LPIN2: variants seen among roughly 807,000 people sequenced by gnomAD.
The protein encoded by LPIN2 is phosphatidate phosphatase LPIN2.
LPIN2 carries 55 observed loss-of-function variants against 111.4 expected under a neutral mutation model. That is an observed-to-expected ratio of 0.49 (90% CI 0.40 to 0.62). The LOEUF (loss-of-function observed/expected upper bound fraction) is 0.62, where lower values mean the gene tolerates loss of function less well. Ranked by LOEUF, LPIN2 falls within the 20% of genes least tolerant of loss-of-function variation. The pLI is 0.00. For missense variants in LPIN2, 992 were observed against 1,112.1 expected (o/e 0.89, Z 1.54); for synonymous variants, 425 against 414.0 (o/e 1.03, Z -0.32).
At position 2,925,210 on chromosome 18, in the gene LPIN2, C is replaced by A; in HGVS notation, c.1938+14G>T. The stretch of plus-strand genomic sequence containing the variant: ...ATAAGTCCTACTGGACAACACAGAT[C>A]ATGCAAGACTCACGATCTGGTCTGA... On this transcript the variant is annotated intron_variant, in intron 14 of 19. Coordinates refer to ENST00000677752, the MANE Select transcript of LPIN2 (RefSeq NM_001375808.2). The surrounding 1 kb of genome is among the most constrained non-coding windows in gnomAD (Gnocchi z 4.1). The A allele has an allele frequency of 6.2e-7, 1 of 1,614,214 alleles. No homozygotes were observed. The highest frequency in any genetic ancestry group is 1.1e-5 in the South Asian group (1 of 91,076).
chr18:2,994,796 C>T (rs538834196), intron 1 of LPIN2, among the ~76,000 whole-genome samples: 216 of 152,154 alleles, frequency 1.4e-3, no homozygotes, highest in African/African-American at 4.9e-3. Context: ...ATGTCCCCGG[C>T]GGCGGGTGGG....
chr18:2,925,247 G>C lies in LPIN2; in HGVS notation c.1915C>G (p.Leu639Val). 1 of 1,614,222 alleles carries C rather than the reference G, an allele frequency of 6.2e-7. No individual in the cohort carries two copies. The highest frequency in any genetic ancestry group is 8.5e-7 in the Non-Finnish European group (1 of 1,180,046). ...HGSTTSYKKS[L>V]RLSSDQIAKL... ...ACGATCTGGTCTGAGGAGAGGCGGA[G>C]AGACTTCTTATATGAAGTTGTGCTG... The change falls in exon 14 of 20, where the codon CTC becomes GTC. Residue 639 changes from leucine (L) to valine (V), a missense_variant. Physicochemically the swap from Leu to Val is conservative, Grantham distance 32 (BLOSUM62 1). This residue lies in a region of LPIN2 where 709 missense variants were observed against 753.2 expected (regional missense o/e 0.94). Transcript: ENST00000677752. The surrounding 1 kb of genome is among the most constrained non-coding windows in gnomAD (Gnocchi z 4.1).
intron 18 of LPIN2, chr18:2,921,126 G>GA: frequency 1.7e-6 from 1 of 583,642 alleles, no homozygotes; most frequent in South Asian, 2.0e-5. Flanking sequence ...GAAGAGGCCA[G>GA]AGAGGCCACA....
At position 2,921,646 on chromosome 18, in the gene LPIN2, C is replaced by G. The variant is rs1212351572; in HGVS notation, c.2329G>C (p.Glu777Gln). ...PSSLFSAFHR[E>Q]VIEKKPEKFK... ...TTCTCTGGTTTCTTTTCTATCACTT[C>G]TCTAAGAAAAAAATACAAATACAAT... Residue 777 changes from glutamate to glutamine, a missense_variant and splice_region_variant, in exon 18 of 20, where the codon GAA becomes CAA. Glu to Gln is a conservative substitution (Grantham distance 29). Around this residue, in one of 4 missense-constraint regions of LPIN2, gnomAD observed 185 missense variants for 186.5 expected, o/e 0.99. Transcript: ENST00000677752. The G allele has an allele frequency of 6.3e-7, 1 of 1,582,224 alleles. No individual in the cohort carries two copies. The highest frequency in any genetic ancestry group is 8.7e-7 in the Non-Finnish European group (1 of 1,151,106).
intron 4 of LPIN2, among the ~76,000 whole-genome samples, chr18:2,943,429 C>CGTGTGTGTGT (rs145740705): frequency 2.8e-5 from 4 of 142,152 alleles, no homozygotes; most frequent in African/African-American, 5.1e-5. Flanking sequence ...ATAAAAGCTG[C>CGTGTGTGTGT]GTGTGTGTGT....
At chr18:2,938,118 C>T (rs1355746166) in intron 6 of LPIN2, 81 bp from the exon 7 acceptor site, 1 of 1,081,432 alleles carries the variant, frequency 9.2e-7, no homozygotes, top group East Asian at 2.5e-5. Flanking sequence ...GCAATGTGTT[C>T]ATTCTATTTT....
chr18:2,950,251 C>T (rs911946267), intron 4 of LPIN2: 5 of 152,164 alleles, frequency 3.3e-5, no homozygotes, highest in Admixed American at 1.3e-4. Context: ...AATTATTTCC[C>T]TCTATTCTAG....
intron 1 of LPIN2, among the ~76,000 whole-genome samples, chr18:2,975,535 T>C (rs1266505787): frequency 6.6e-6 from 1 of 152,168 alleles, no homozygotes; most frequent in African/African-American, 2.4e-5. Flanking sequence ...GGTTTCTCCA[T>C]GTTGGTCAAG....
chr18:2,921,157 C>T lies in LPIN2; in HGVS notation c.2443-276G>A, dbSNP rs77444753. 4,408 of 559,044 alleles carry T rather than the reference C, an allele frequency of 7.9e-3. 151 individuals carry two copies. The highest frequency in any genetic ancestry group is 0.076 in the African/African-American group (4,025 of 53,040). 34.6% of individuals were successfully genotyped at this position (559,044 alleles called of 1,614,324 possible). A position where few individuals can be genotyped will look rare whatever the true frequency, so the allele number is the denominator to read the frequency against. ...CCACATCTTCTGCACACCTGAGGCCCGATGGCCCTGCAGAAGGGAGGCAGG... is the reference window on the plus strand; with the variant it reads ...CCACATCTTCTGCACACCTGAGGCCTGATGGCCCTGCAGAAGGGAGGCAGG... On this transcript the variant is annotated intron_variant, in intron 18 of 19. Coordinates refer to ENST00000677752, the MANE Select transcript of LPIN2 (RefSeq NM_001375808.2).
intron 1 of LPIN2, chr18:3,011,594 CAAG>C (rs2078604568): frequency 1.3e-5 from 2 of 152,352 alleles, no homozygotes; most frequent in South Asian, 4.1e-4. Context: ...GGCTGGGGCA[CAAG>C]AATCGCTTTA....
At chr18:2,931,506 G>GC in intron 8 of LPIN2, 63 bp from the exon 9 acceptor site, 1 of 1,495,926 alleles carries the variant, frequency 6.7e-7, no homozygotes, top group Non-Finnish European at 9.0e-7. Flanking sequence ...CTAGTTTACT[G>GC]CATGGTTCTC....
chr18:2,954,181 A>C (rs955829444), intron 3 of LPIN2, among the ~76,000 whole-genome samples: 17 of 152,244 alleles, frequency 1.1e-4, no homozygotes, highest in African/African-American at 4.1e-4. Context: ...AACTGAATGT[A>C]TTCAAGTCAA....
At chr18:2,937,619 C>T (rs1435283849) in intron 7 of LPIN2, 73 bp downstream of exon 7, 8 of 1,202,392 alleles carry the variant, frequency 6.7e-6, no homozygotes, top group South Asian at 4.9e-5. Context: ...GCAGCCATCA[C>T]GTTATGTGGA....
At chr18:2,967,902 G>A (rs534274386) in intron 1 of LPIN2, among the ~76,000 whole-genome samples, 6 of 152,182 alleles carry the variant, frequency 3.9e-5, no homozygotes, top group African/African-American at 1.4e-4. Context: ...ATAGAAAATA[G>A]CAGCCGCACA....
chr18:2,923,962 G>C, intron 15 of LPIN2, 101 bp from the exon 16 acceptor site: 1 of 924,438 alleles, frequency 1.1e-6, no homozygotes, highest in South Asian at 1.3e-5. Flanking sequence ...ATTGGTGGCG[G>C]GACACTCTTG....
intron 1 of LPIN2, among the ~76,000 whole-genome samples, chr18:3,001,290 A>G (rs1482943291): frequency 6.6e-6 from 1 of 152,196 alleles, no homozygotes; most frequent in African/African-American, 2.4e-5. Context: ...GGGATTCAGG[A>G]TGAGTGAGGT....
Position 3,002,358 on chromosome 18 carries a change from C to A in LPIN2, c.-10+10729G>T, listed in dbSNP as rs183516740. Among the ~76,000 whole-genome samples the A allele has an allele frequency of 6.9e-4, 105 of 151,426 alleles. 1 individual carries two copies. The highest frequency in any genetic ancestry group is 2.3e-3 in the African/African-American group (93 of 41,308). On this transcript the variant is annotated intron_variant, in intron 1 of 19. Coordinates refer to ENST00000677752, the MANE Select transcript of LPIN2 (RefSeq NM_001375808.2). ...TAAGCTAAGAAAATTAGTGTCCATTCTAATGAAAATCAATTATTCAAGCTT... is the reference window on the plus strand; with the variant it reads ...TAAGCTAAGAAAATTAGTGTCCATTATAATGAAAATCAATTATTCAAGCTT...
At chr18:2,993,306 A>G (rs1376888216) in intron 1 of LPIN2, among the ~76,000 whole-genome samples, 1 of 152,268 alleles carries the variant, frequency 6.6e-6, no homozygotes, top group Non-Finnish European at 1.5e-5. Context: ...CAATGTCAAT[A>G]CAGTCCATAG....
chr18:2,959,734 G>T (rs984208140), intron 2 of LPIN2, among the ~76,000 whole-genome samples: 5 of 152,198 alleles, frequency 3.3e-5, no homozygotes, highest in Admixed American at 3.3e-4. Flanking sequence ...AAGTCAACCA[G>T]CCTATGGTCT....
Sources: allele counts gnomAD v4.1 joint callset (sites outside exome capture counted in the v4.1 genomes callset), GRCh38; gene constraint gnomAD v4.1.1; regional missense constraint gnomAD v4.1.1; non-coding constraint Gnocchi (gnomAD v3.1); transcripts MANE v1.5; gene names NCBI Gene and HGNC (gene_info 2026-07-23, HGNC 2026-07-21).